Variants in FUT8 observed in about 807,000 individuals in gnomAD.
FUT8 encodes the protein fucosyltransferase 8.
FUT8 carries 29 observed loss-of-function variants against 71.3 expected under a neutral mutation model. That is an observed-to-expected ratio of 0.41 (90% CI 0.30 to 0.55). The LOEUF is 0.55. Ranked by LOEUF, FUT8 falls within the 20% of genes least tolerant of loss-of-function variation. The probability of loss-of-function intolerance (pLI) is 0.34; values close to 1 mark genes in which losing one functional copy is unlikely to be tolerated. For synonymous variants in FUT8, 254 were observed against 239.3 expected (o/e 1.06, Z -0.57); for missense variants, 544 against 702.1 (o/e 0.77, Z 2.55).
chr14:65,552,159 A>G (rs539073344), intron 2 of FUT8, among the ~76,000 whole-genome samples: 109 of 152,186 alleles, frequency 7.2e-4, no homozygotes, highest in Middle Eastern at 3.2e-3. Context: ...AAATGCAATT[A>G]TTTGTGGAAT....
chr14:65,456,466 A>G (rs552034571), intron 2 of FUT8, among the ~76,000 whole-genome samples: 3 of 152,248 alleles, frequency 2.0e-5, no homozygotes, highest in African/African-American at 7.2e-5. Flanking sequence ...CATTTTATGG[A>G]TATACCATAA....
At chr14:65,552,706 T>G (rs1885357757) in intron 2 of FUT8, among the ~76,000 whole-genome samples, 1 of 152,174 alleles carries the variant, frequency 6.6e-6, no homozygotes, top group South Asian at 2.1e-4. Context: ...TTTCTGGTCT[T>G]CTCAAGAACT....
intron 2 of FUT8, among the ~76,000 whole-genome samples, chr14:65,473,636 T>A (rs1420578502): frequency 6.6e-6 from 1 of 152,250 alleles, no homozygotes; most frequent in African/African-American, 2.4e-5. Context: ...TAATATGTTG[T>A]GTTTAATTCT....
chr14:65,508,689 A>T (rs953088065), intron 2 of FUT8, among the ~76,000 whole-genome samples: 1 of 151,208 alleles, frequency 6.6e-6, no homozygotes, highest in Non-Finnish European at 1.5e-5. Context: ...TTTAGTAGAG[A>T]CGGAGTTTCA....
intron 3 of FUT8, among the ~76,000 whole-genome samples, chr14:65,601,549 A>T (rs1888288234): frequency 6.6e-6 from 1 of 152,174 alleles, no homozygotes; most frequent in Non-Finnish European, 1.5e-5. Context: ...TAGATTGTTT[A>T]AAAAATTTTT....
chr14:65,657,940 A>G (rs1891766911), intron 6 of FUT8, among the ~76,000 whole-genome samples: 1 of 147,228 alleles, frequency 6.8e-6, no homozygotes, highest in African/African-American at 2.4e-5. Flanking sequence ...CCTACTATGT[A>G]CTCAAAAAAA....
rs1194402693 is a variant in FUT8 at position 65,603,787 on chromosome 14, G to T, written c.204-12191G>T. Reference sequence around the variant, plus strand: ...CTTAATGTTAATATTGAATGTAAGTGGTCTAAGTGCTCCACTTAAAAGGTA... The same window carrying T: ...CTTAATGTTAATATTGAATGTAAGTTGTCTAAGTGCTCCACTTAAAAGGTA... On this transcript the variant is annotated intron_variant, in intron 3 of 10. Transcript: ENST00000673929. The surrounding 1 kb of genome is among the most constrained non-coding windows in gnomAD (Gnocchi z 4.5). Among the ~76,000 whole-genome samples, 1 of 151,734 alleles carries T rather than the reference G, an allele frequency of 6.6e-6. No homozygotes were observed. The highest frequency in any genetic ancestry group is 1.5e-5 in the Non-Finnish European group (1 of 67,904).
rs1489300755 is a variant in FUT8, at chr14:65,423,414, A to G, written c.-326+10200A>G. ...ATAGCTGGGACTACAGGCACCCATCACTACGCCAGGCTAATTTTTTGTATT... is the reference window on the plus strand; with the variant it reads ...ATAGCTGGGACTACAGGCACCCATCGCTACGCCAGGCTAATTTTTTGTATT... On this transcript the variant is annotated intron_variant, in intron 1 of 10. Transcript: ENST00000673929. Among the ~76,000 whole-genome samples, 3 of 151,530 alleles carry G rather than the reference A, an allele frequency of 2.0e-5. No homozygotes were observed. In the East Asian group the frequency reaches 5.8e-4, roughly 29 times the overall value.
At chr14:65,739,753 A>G (rs1182448557) in intron 10 of FUT8, among the ~76,000 whole-genome samples, 1 of 152,054 alleles carries the variant, frequency 6.6e-6, no homozygotes, top group African/African-American at 2.4e-5. Context: ...AAGATTTACA[A>G]GAGAAAATAT....
At chr14:65,624,827 C>A (rs1447485128) in intron 5 of FUT8, among the ~76,000 whole-genome samples, 1 of 152,184 alleles carries the variant, frequency 6.6e-6, no homozygotes, top group African/African-American at 2.4e-5. Flanking sequence ...GTAATCCTAG[C>A]ACTTTGGGAG....
chr14:65,506,103 C>T (rs1163167926), intron 2 of FUT8, among the ~76,000 whole-genome samples: 2 of 152,068 alleles, frequency 1.3e-5, no homozygotes, highest in East Asian at 1.9e-4. Context: ...ATTGCTAATA[C>T]GTTCCCTTGG....
At chr14:65,570,172 C>G (rs1282143030) in intron 3 of FUT8, among the ~76,000 whole-genome samples, 2 of 152,050 alleles carry the variant, frequency 1.3e-5, no homozygotes, top group African/African-American at 4.8e-5. Flanking sequence ...AAATTACTGT[C>G]TAGCCTTGGA....
upstream of FUT8, chr14:65,412,278 C>T (rs1035105478): frequency 9.4e-5 from 38 of 403,264 alleles, no homozygotes; most frequent in African/African-American, 8.1e-4. Flanking sequence ...AGGGGCTGAG[C>T]AGCAGCAGCG....
chr14:65,716,928 G>A (rs1218194519), intron 7 of FUT8, among the ~76,000 whole-genome samples: 6 of 137,930 alleles, frequency 4.4e-5, no homozygotes, highest in Non-Finnish European at 7.8e-5. Flanking sequence ...CAGATGGGGC[G>A]GCCGGGCAGA....
the FUT8 span, among the ~76,000 whole-genome samples, chr14:65,382,508 T>A: frequency 6.6e-5 from 10 of 152,088 alleles, no homozygotes; most frequent in Admixed American, 4.6e-4. Flanking sequence ...GCTAATTTTT[T>A]AAAATGTTTT....
At chr14:65,521,194 G>A (rs1388689131) in intron 2 of FUT8, among the ~76,000 whole-genome samples, 2 of 151,822 alleles carry the variant, frequency 1.3e-5, no homozygotes, top group South Asian at 2.1e-4. Context: ...TATTTTAAAT[G>A]CTTTATATGT....
intron 6 of FUT8, among the ~76,000 whole-genome samples, chr14:65,647,098 ATTTCT>A (rs1891156658): frequency 6.6e-6 from 1 of 152,182 alleles, no homozygotes; most frequent in Admixed American, 6.5e-5. Flanking sequence ...GTTCGCACTG[ATTTCT>A]TTTCTATAGA....
chr14:65,498,637 C>T (rs11844728), intron 2 of FUT8, among the ~76,000 whole-genome samples: 9,949 of 152,200 alleles, frequency 0.065, 376 homozygotes, highest in Admixed American at 0.11. Flanking sequence ...TGTTATTTAT[C>T]TCTGAGAATT....
At chr14:65,563,069 A>G (rs905187479) in intron 3 of FUT8, among the ~76,000 whole-genome samples, 8 of 152,030 alleles carry the variant, frequency 5.3e-5, no homozygotes, top group Non-Finnish European at 7.4e-5. Context: ...TGAATGAAAC[A>G]TTATTCTTGT....
Sources: gnomAD v4.1 joint callset for allele counts (sites outside exome capture counted in the v4.1 genomes callset) on GRCh38, gnomAD v4.1.1 for gene constraint, Gnocchi (gnomAD v3.1) non-coding constraint, MANE v1.5 for transcripts, NCBI Gene and HGNC (gene_info 2026-07-23, HGNC 2026-07-21) for gene names.